RAB7A: variants seen among roughly 807,000 people sequenced by gnomAD.
The protein encoded by RAB7A is RAB7A, member RAS oncogene family, also known as ras-related protein Rab-7a.
In RAB7A, 2 loss-of-function variants were observed where a neutral mutation model predicts 24.5. The observed-to-expected ratio is 0.08, with a 90% CI of 0.03 to 0.26. The LOEUF (loss-of-function observed/expected upper bound fraction) is 0.26, where lower values mean the gene tolerates loss of function less well. RAB7A is among the 10% of genes least tolerant of loss of function. RAB7A has a pLI of 1.00. For missense variants in RAB7A, 118 were observed against 255.7 expected (o/e 0.46, Z 3.67); for synonymous variants, 100 against 95.9 (o/e 1.04, Z -0.25).
chr3:128,768,168 A>G (rs563849202), intron 1 of RAB7A, among the ~76,000 whole-genome samples: 2 of 152,258 alleles, frequency 1.3e-5, no homozygotes, highest in South Asian at 4.1e-4. Context: ...GGATCTGTAT[A>G]TATACTTTAA....
rs1166009152 is a variant in RAB7A at position 128,773,244 on chromosome 3, C to T, written c.-8-22116C>T. ...ATGAGGAGCCCCTCCGCCCGGCAGC[C>T]GCCCCATCTGAGAAGTGAGGAGCCC... On this transcript the variant is annotated intron_variant, in intron 1 of 5. Coordinates refer to ENST00000265062, the MANE Select transcript of RAB7A (RefSeq NM_004637.6). 2.0e-5 allele frequency among the ~76,000 whole-genome samples: 3 copies of T among 151,768 alleles called. No individual in the cohort carries two copies. In the East Asian group the frequency reaches 5.8e-4, roughly 30 times the overall value.
intron 1 of RAB7A, among the ~76,000 whole-genome samples, chr3:128,739,339 C>A (rs1210335501): frequency 6.6e-6 from 1 of 151,894 alleles, no homozygotes; most frequent in Non-Finnish European, 1.5e-5. Flanking sequence ...ATGGTGAAAC[C>A]CCGTCTCCAC....
chr3:128,781,628 C>T (rs1240892961), intron 1 of RAB7A, among the ~76,000 whole-genome samples: 1 of 152,136 alleles, frequency 6.6e-6, no homozygotes, highest in African/African-American at 2.4e-5. Flanking sequence ...AGTGATCATG[C>T]TCTACTGCAC....
At chr3:128,795,443 C>T (rs1933545372) in intron 2 of RAB7A, 23 bp downstream of exon 2, 2 of 1,600,902 alleles carry the variant, frequency 1.2e-6, no homozygotes, top group African/African-American at 2.7e-5. Flanking sequence ...TGAATTTGAG[C>T]TAACAGATTG....
At chr3:128,784,946 A>ATTT (rs11287809) in intron 1 of RAB7A, among the ~76,000 whole-genome samples, 1 of 135,372 alleles carries the variant, frequency 7.4e-6, no homozygotes, top group Non-Finnish European at 1.6e-5. Context: ...TCATGGCATG[A>ATTT]TTTTTTTTTT....
chr3:128,787,100 G>A (rs753074443), intron 1 of RAB7A, among the ~76,000 whole-genome samples: 4 of 152,062 alleles, frequency 2.6e-5, no homozygotes, highest in Non-Finnish European at 5.9e-5. Flanking sequence ...TCATTCTTTC[G>A]TACCTTCCTG....
At chr3:128,808,032 C>A (rs113027612) in intron 5 of RAB7A, among the ~76,000 whole-genome samples, 11 of 152,048 alleles carry the variant, frequency 7.2e-5, no homozygotes, top group African/African-American at 2.7e-4. Flanking sequence ...AGCTCTGCTG[C>A]GTACCAATCG....
chr3:128,762,073 T>C (rs2070779722), intron 1 of RAB7A, among the ~76,000 whole-genome samples: 1 of 152,226 alleles, frequency 6.6e-6, no homozygotes, highest in African/African-American at 2.4e-5. Flanking sequence ...CACTGAAATA[T>C]ACACTTAAAA....
intron 1 of RAB7A, among the ~76,000 whole-genome samples, chr3:128,756,733 C>T (rs1230676803): frequency 1.3e-5 from 2 of 152,110 alleles, no homozygotes; most frequent in Non-Finnish European, 2.9e-5. Flanking sequence ...TTGGAGGTCT[C>T]ACACTTCCTG....
chr3:128,788,580 T>C (rs1373121187), intron 1 of RAB7A, among the ~76,000 whole-genome samples: 1 of 152,204 alleles, frequency 6.6e-6, no homozygotes, highest in Non-Finnish European at 1.5e-5. Context: ...CTACCCCCCA[T>C]GGATAAGTGG....
chr3:128,744,102 T>TA (rs58045599), intron 1 of RAB7A, among the ~76,000 whole-genome samples: 321 of 141,814 alleles, frequency 2.3e-3, no homozygotes, highest in Middle Eastern at 3.6e-3. Context: ...TTCTTGCTCT[T>TA]AAAAAAAAAA....
chr3:128,748,004 A>G (rs2070636317), intron 1 of RAB7A, among the ~76,000 whole-genome samples: 1 of 152,060 alleles, frequency 6.6e-6, no homozygotes, highest in Non-Finnish European at 1.5e-5. Context: ...CTGACCTCAA[A>G]TGATCCACCC....
intron 1 of RAB7A, among the ~76,000 whole-genome samples, chr3:128,757,468 A>G (rs2070739584): frequency 6.6e-6 from 1 of 152,088 alleles, no homozygotes; most frequent in African/African-American, 2.4e-5. Context: ...GAGGCACAAG[A>G]TGAATGTTTT....
chr3:128,810,490 AGTCCAT>A (rs1933900612), intron 5 of RAB7A, among the ~76,000 whole-genome samples: 1 of 152,210 alleles, frequency 6.6e-6, no homozygotes, highest in South Asian at 2.1e-4. Flanking sequence ...GGAGGCTGGA[AGTCCAT>A]GAGCAAGGTG....
Position 128,813,474 on chromosome 3 carries a change from A to G in RAB7A, c.*52A>G. On this transcript the variant is annotated 3_prime_UTR_variant, in exon 6 of 6. Transcript: ENST00000265062. ...TCCTTCACAAACCAAGAACACACGT[A>G]GGCCTTCAACACAATTCCCCTCTCC... The G allele has an allele frequency of 1.3e-6, 2 of 1,509,642 alleles. No homozygotes were observed. Among genetic ancestry groups the G allele is most frequent in the Non-Finnish European group, 1.8e-6 (2 of 1,086,306 alleles). 93.5% of individuals were successfully genotyped at this position (1,509,642 alleles called of 1,614,324 possible).
rs139417205 is a variant in RAB7A at position 128,813,603 on chromosome 3, GCACA to G, written c.*194_*197del. The stretch of plus-strand genomic sequence containing the variant: ...ATATCTCTCACACACACACACACAC[GCACA>G]CACACACACACAGATCTGACGTAAT... On this transcript the variant is annotated 3_prime_UTR_variant, in exon 6 of 6. Transcript: ENST00000265062. The G allele has an allele frequency of 2.9e-5, 15 of 512,582 alleles. No homozygotes were observed. The highest frequency in any genetic ancestry group is 5.2e-5 in the Admixed American group (2 of 38,240). 31.8% of individuals were successfully genotyped at this position (512,582 alleles called of 1,614,324 possible).
intron 1 of RAB7A, among the ~76,000 whole-genome samples, chr3:128,774,730 G>A (rs1349361056): frequency 1.3e-5 from 2 of 151,998 alleles, no homozygotes; most frequent in Non-Finnish European, 2.9e-5. Context: ...CCGCCACCAC[G>A]CCCAGCTAAT....
chr3:128,768,427 C>T lies in RAB7A; in HGVS notation c.-8-26933C>T, dbSNP rs536248754. Among the ~76,000 whole-genome samples the T allele has an allele frequency of 3.3e-5, 5 of 152,198 alleles. No homozygotes were observed. In the South Asian group the frequency reaches 1.0e-3, roughly 32 times the overall value. On this transcript the variant is annotated intron_variant, in intron 1 of 5. Transcript: ENST00000265062. ...CTGTCTAGATCTGTGTTTTCATTTC[C>T]TTTGGGTAGGTAGCTGTTTCGGAGG...
At chr3:128,746,555 G>A (rs1481702434) in intron 1 of RAB7A, among the ~76,000 whole-genome samples, 1 of 151,366 alleles carries the variant, frequency 6.6e-6, no homozygotes, top group Non-Finnish European at 1.5e-5. Context: ...TGGAGATGGA[G>A]TCTCGCTCTG....
Sources: allele counts gnomAD v4.1 joint callset (sites outside exome capture counted in the v4.1 genomes callset), GRCh38; gene constraint gnomAD v4.1.1; transcripts MANE v1.5; gene names NCBI Gene and HGNC (gene_info 2026-07-23, HGNC 2026-07-21).